Variants in WDR49 observed in about 807,000 individuals in gnomAD.
WDR49 encodes the protein cilia- and flagella-associated protein 337.
A neutral mutation model predicts 119.5 loss-of-function variants in WDR49; 107 were observed. The observed-to-expected ratio is 0.90, with a 90% CI of 0.77 to 1.05. WDR49 has a LOEUF of 1.05. Ranked by LOEUF, WDR49 falls within the 50% of genes least tolerant of loss-of-function variation. The pLI, the probability that WDR49 is intolerant of heterozygous loss-of-function variation, is 0.00. For missense variants in WDR49, 1,240 were observed against 1,220.5 expected (o/e 1.02, Z -0.24); for synonymous variants, 425 against 418.8 (o/e 1.01, Z -0.18).
chr3:167,527,016 A>T (rs1266979316), intron 15 of WDR49, among the ~76,000 whole-genome samples: 1 of 152,170 alleles, frequency 6.6e-6, no homozygotes, highest in Non-Finnish European at 1.5e-5. Flanking sequence ...AAGAAAGCAA[A>T]AGGAAAAAAT....
At chr3:167,599,942 A>G (rs1715676805) in intron 7 of WDR49, among the ~76,000 whole-genome samples, 1 of 152,084 alleles carries the variant, frequency 6.6e-6, no homozygotes, top group South Asian at 2.1e-4. Context: ...AGGACTCTTT[A>G]GTCAACAAGT....
chr3:167,594,775 A>G (rs1030378860), intron 7 of WDR49, among the ~76,000 whole-genome samples: 4 of 150,868 alleles, frequency 2.7e-5, no homozygotes, highest in Non-Finnish European at 5.9e-5. Flanking sequence ...TGAATGGGCA[A>G]AAACTGGAAG....
chr3:167,510,518 A>G (rs140832934), intron 16 of WDR49, among the ~76,000 whole-genome samples: 280 of 152,204 alleles, frequency 1.8e-3, no homozygotes, highest in African/African-American at 6.6e-3. Context: ...CTATTTCTCC[A>G]TATCAATTGT....
At chr3:167,500,360 C>G in intron 17 of WDR49, 61 bp from the exon 18 acceptor site, 1 of 1,564,454 alleles carries the variant, frequency 6.4e-7, no homozygotes. Context: ...TCATTAACTC[C>G]TTGGAAAGAG....
intron 5 of WDR49, among the ~76,000 whole-genome samples, chr3:167,615,794 A>T (rs907521370): frequency 6.6e-6 from 1 of 152,220 alleles, no homozygotes; most frequent in Non-Finnish European, 1.5e-5. Flanking sequence ...ATAGATAAGC[A>T]GCCAGTTCTT....
chr3:167,516,919 C>T (rs1752233936), intron 16 of WDR49, among the ~76,000 whole-genome samples: 1 of 152,126 alleles, frequency 6.6e-6, no homozygotes, highest in African/African-American at 2.4e-5. Flanking sequence ...TATGAACAGA[C>T]ACTTCTCAAA....
chr3:167,529,311 TCC>T, intron 13 of WDR49, 72 bp from the exon 14 acceptor site: 1 of 1,403,792 alleles, frequency 7.1e-7, no homozygotes, highest in Non-Finnish European at 9.6e-7. Context: ...TCAGTGGCTT[TCC>T]CTGTGGAAAG....
chr3:167,483,076 C>T (rs958852791), intron 18 of WDR49, among the ~76,000 whole-genome samples: 3 of 152,092 alleles, frequency 2.0e-5, no homozygotes, highest in Non-Finnish European at 2.9e-5. Context: ...GAGCATACAT[C>T]TAATAGTGTC....
intron 16 of WDR49, among the ~76,000 whole-genome samples, chr3:167,520,645 G>A (rs1178870850): frequency 2.0e-5 from 3 of 152,256 alleles, no homozygotes; most frequent in South Asian, 2.1e-4. Flanking sequence ...AATGCTAAAG[G>A]GGAATTTTTT....
In WDR49 at chr3:167,635,763, T is replaced by C. The variant is rs149913109; in HGVS notation, c.166-8471A>G. ...CCAGATCCTGAAAATAAATGTCAAA[T>C]GATGAGTTGTAAGCCACTGGGAGAA... On this transcript the variant is annotated intron_variant, in intron 2 of 18. Transcript: ENST00000682715. Among the ~76,000 whole-genome samples the C allele has an allele frequency of 3.5e-3, 537 of 151,706 alleles. 2 individuals are homozygous for C. The highest frequency in any genetic ancestry group is 0.013 in the African/African-American group (521 of 41,480).
chr3:167,531,862 C>G (rs560702598), intron 12 of WDR49, among the ~76,000 whole-genome samples: 1 of 152,048 alleles, frequency 6.6e-6, no homozygotes, highest in African/African-American at 2.4e-5. Context: ...TCTATACAGA[C>G]GTATTTTCAA....
At chr3:167,501,638 G>T (rs1177730152) in intron 17 of WDR49, among the ~76,000 whole-genome samples, 2 of 152,126 alleles carry the variant, frequency 1.3e-5, no homozygotes, top group African/African-American at 4.8e-5. Context: ...AAGTTGAAAA[G>T]ATATTTGTAG....
chr3:167,495,883 GAAA>G, intron 18 of WDR49, among the ~76,000 whole-genome samples: 1,971 of 71,086 alleles, frequency 0.028, 36 homozygotes, highest in African/African-American at 0.086. Flanking sequence ...TTAAAAATTT[GAAA>G]AAAAAAAAAA....
chr3:167,630,546 G>A (rs1350318481), intron 2 of WDR49, among the ~76,000 whole-genome samples: 1 of 152,086 alleles, frequency 6.6e-6, no homozygotes, highest in Non-Finnish European at 1.5e-5. Context: ...GTGAATCCCT[G>A]AAGAGTGCTT....
chr3:167,649,349 A>G (rs571744686), intron 2 of WDR49, among the ~76,000 whole-genome samples: 3 of 152,124 alleles, frequency 2.0e-5, no homozygotes, highest in Non-Finnish European at 4.4e-5. Flanking sequence ...CTGACTTTCT[A>G]TATTCCTGTA....
intron 8 of WDR49, among the ~76,000 whole-genome samples, chr3:167,569,055 C>T (rs1713774563): frequency 6.6e-6 from 1 of 151,952 alleles, no homozygotes; most frequent in African/African-American, 2.4e-5. Context: ...CAATTCTCTG[C>T]CTCCGCCTCC....
chr3:167,635,365 T>C (rs1246222350), intron 2 of WDR49, among the ~76,000 whole-genome samples: 4 of 151,750 alleles, frequency 2.6e-5, no homozygotes, highest in Non-Finnish European at 4.4e-5. Flanking sequence ...TTAAGACTTA[T>C]CGATTGGTTG....
At chr3:167,654,375 T>TA (rs542417663), upstream of WDR49, among the ~76,000 whole-genome samples, 15 of 152,184 alleles carry the variant, frequency 9.9e-5, no homozygotes, top group South Asian at 4.2e-4. Context: ...GAAAATGTGA[T>TA]AAAAAAACAC....
chr3:167,655,373 C>T (rs1411161542), upstream of WDR49, among the ~76,000 whole-genome samples: 1 of 152,062 alleles, frequency 6.6e-6, no homozygotes, highest in African/African-American at 2.4e-5. Flanking sequence ...TGGATGTGCC[C>T]GTTGCACTTT....
Sources: allele counts gnomAD v4.1 joint callset (sites outside exome capture counted in the v4.1 genomes callset), GRCh38; gene constraint gnomAD v4.1.1; transcripts MANE v1.5; gene names NCBI Gene and HGNC (gene_info 2026-07-23, HGNC 2026-07-21).